The following CDH4 variants were observed in gnomAD, a reference collection of about 807,000 sequenced individuals.
CDH4 encodes cadherin-4.
In CDH4, 33 loss-of-function variants were observed where a neutral mutation model predicts 86.0. The ratio of observed to expected loss-of-function variants is 0.38; its 90% CI spans 0.29 to 0.51. The LOEUF (loss-of-function observed/expected upper bound fraction) is 0.51, where lower values mean the gene tolerates loss of function less well. Ranked by LOEUF, CDH4 falls within the 20% of genes least tolerant of loss-of-function variation. The pLI is 0.86. For synonymous variants in CDH4, 555 were observed against 549.4 expected, an observed-to-expected ratio of 1.01 and a Z score of -0.14; for missense variants, 1,114 against 1,307.4, an observed-to-expected ratio of 0.85 and a Z score of 2.28.
intron 4 of CDH4, among the ~76,000 whole-genome samples, chr20:61,809,300 C>T (rs895075641): frequency 7.2e-5 from 11 of 152,048 alleles, no homozygotes; most frequent in Admixed American, 2.6e-4. Flanking sequence ...TGGTCAGCGG[C>T]AGGATGATGG....
chr20:61,337,328 A>G (rs969964311), intron 2 of CDH4, among the ~76,000 whole-genome samples: 2 of 100 alleles, frequency 0.02, no homozygotes, highest in African/African-American at 0.059. Context: ...AATGATGGTG[A>G]TGATAATGAT....
chr20:61,850,557 C>T (rs750240722), intron 5 of CDH4, among the ~76,000 whole-genome samples: 2 of 152,232 alleles, frequency 1.3e-5, no homozygotes, highest in African/African-American at 4.8e-5. Flanking sequence ...ACATTTCCCC[C>T]GAGCGCCTTC....
chr20:61,746,168 G>A (rs190738638), intron 3 of CDH4, among the ~76,000 whole-genome samples: 8 of 151,568 alleles, frequency 5.3e-5, no homozygotes, highest in East Asian at 2.0e-4. Flanking sequence ...TGTCGTTTTC[G>A]TACTTTCCTG....
At chr20:61,655,606 GGAAGCTCCACTGGCCAA>G (rs1175955447) in intron 2 of CDH4, among the ~76,000 whole-genome samples, 3 of 152,242 alleles carry the variant, frequency 2.0e-5, no homozygotes, top group Admixed American at 6.5e-5. Flanking sequence ...CCACCGGCCA[GGAAGCTCCACTGGCCAA>G]GAAGCTCCGC....
chr20:61,542,682 T>C (rs1446207957), intron 2 of CDH4, among the ~76,000 whole-genome samples: 1 of 152,202 alleles, frequency 6.6e-6, no homozygotes, highest in Non-Finnish European at 1.5e-5. Context: ...ATATTTATAA[T>C]CAGAACTCCT....
intron 2 of CDH4, among the ~76,000 whole-genome samples, chr20:61,312,803 T>C (rs113932870): frequency 0.014 from 2,111 of 152,202 alleles, 57 homozygotes; most frequent in African/African-American, 0.049. Flanking sequence ...CCCTAGAGCT[T>C]GTGGGACGGG....
chr20:61,934,310 T>C (rs765475768), intron 15 of CDH4, 90 bp downstream of exon 15: 39 of 1,356,524 alleles, frequency 2.9e-5, no homozygotes, highest in Non-Finnish European at 3.4e-5. Context: ...ATCTCCACAG[T>C]GCCGGCGGCT....
chr20:61,391,433 C>T (rs568457821), intron 2 of CDH4, among the ~76,000 whole-genome samples: 29 of 152,178 alleles, frequency 1.9e-4, no homozygotes, highest in Non-Finnish European at 3.8e-4. Context: ...AGAATGTCCA[C>T]CACCTGCGCC....
At chr20:61,366,174 C>T (rs943617951) in intron 2 of CDH4, among the ~76,000 whole-genome samples, 2 of 152,188 alleles carry the variant, frequency 1.3e-5, no homozygotes, top group Admixed American at 1.3e-4. Flanking sequence ...GGAGTCTTTG[C>T]AGTCCTCCAG....
At chr20:61,798,047 G>A (rs944965986) in intron 4 of CDH4, among the ~76,000 whole-genome samples, 9 of 152,190 alleles carry the variant, frequency 5.9e-5, no homozygotes, top group Non-Finnish European at 8.8e-5. Flanking sequence ...CTCACTGAGC[G>A]TCCACAGCCA....
At chr20:61,881,499 C>A (rs1984274112) in intron 7 of CDH4, among the ~76,000 whole-genome samples, 1 of 152,254 alleles carries the variant, frequency 6.6e-6, no homozygotes, top group South Asian at 2.1e-4. Flanking sequence ...ACGGCCCCAC[C>A]TGGCAGCAGC....
At chr20:61,609,140 T>G (rs1028821448) in intron 2 of CDH4, among the ~76,000 whole-genome samples, 1 of 152,200 alleles carries the variant, frequency 6.6e-6, no homozygotes, top group Admixed American at 6.5e-5. Flanking sequence ...ATAACATTAG[T>G]GCAATCAAGC....
intron 4 of CDH4, among the ~76,000 whole-genome samples, chr20:61,836,417 T>C (rs1981882970): frequency 6.6e-6 from 1 of 152,244 alleles, no homozygotes; most frequent in Non-Finnish European, 1.5e-5. Flanking sequence ...TTAGCATTCA[T>C]ATGACTTTGA....
intron 2 of CDH4, among the ~76,000 whole-genome samples, chr20:61,447,869 C>T (rs1356655968): frequency 1.3e-5 from 2 of 151,568 alleles, no homozygotes; most frequent in Non-Finnish European, 2.9e-5. Context: ...CTCTTTTTTA[C>T]CTTCCTTTCA....
intron 2 of CDH4, among the ~76,000 whole-genome samples, chr20:61,434,431 C>G (rs932878): frequency 0.37 from 55,712 of 151,928 alleles, 10,551 homozygotes; most frequent in East Asian, 0.53. Flanking sequence ...TGGAACACTG[C>G]GATGCATTTA....
intron 4 of CDH4, among the ~76,000 whole-genome samples, chr20:61,776,043 G>A (rs72658789): frequency 2.6e-5 from 4 of 152,180 alleles, no homozygotes; most frequent in African/African-American, 4.8e-5. Context: ...CTGAGGAAGT[G>A]TGGGCTGGGA....
At chr20:61,427,216 G>A (rs1422490479) in intron 2 of CDH4, among the ~76,000 whole-genome samples, 1 of 152,212 alleles carries the variant, frequency 6.6e-6, no homozygotes, top group East Asian at 1.9e-4. Context: ...TTGCAGAGAG[G>A]ACCTGTGCCC....
At chr20:61,751,745 A>G (rs2088499308) in intron 3 of CDH4, among the ~76,000 whole-genome samples, 2 of 152,232 alleles carry the variant, frequency 1.3e-5, no homozygotes, top group South Asian at 4.1e-4. Flanking sequence ...TGCCTAAAAT[A>G]TTTACCATCT....
chr20:61,616,347 C>T (rs748014022), intron 2 of CDH4, among the ~76,000 whole-genome samples: 1 of 152,206 alleles, frequency 6.6e-6, no homozygotes. Context: ...GCCCTTCCTG[C>T]AGCACCTTGG....
Sources: allele counts gnomAD v4.1 joint callset (sites outside exome capture counted in the v4.1 genomes callset), GRCh38; gene constraint gnomAD v4.1.1; transcripts MANE v1.5; gene names NCBI Gene and HGNC (gene_info 2026-07-23, HGNC 2026-07-21).